VPS53: variants seen among roughly 807,000 people sequenced by gnomAD.
The protein encoded by VPS53 is vacuolar protein sorting-associated protein 53 homolog.
Under a neutral mutation model 107.0 loss-of-function variants are expected in VPS53, and 70 were observed. The ratio of observed to expected loss-of-function variants is 0.65; its 90% CI spans 0.54 to 0.80. The LOEUF (loss-of-function observed/expected upper bound fraction) is 0.80. VPS53 is among the 30% of genes least tolerant of loss of function. VPS53 has a pLI of 0.00. For synonymous variants in VPS53, 409 were observed against 393.3 expected (o/e 1.04, Z -0.47); for missense variants, 917 against 1,049.4 (o/e 0.87, Z 1.74).
intron 5 of VPS53, chr17:657,209 C>T (rs1488922667): frequency 1.1e-5 from 16 of 1,476,346 alleles, no homozygotes; most frequent in Non-Finnish European, 1.5e-5. Flanking sequence ...ATTTTTCTCA[C>T]TTTGCACAAC....
intron 5 of VPS53, chr17:657,592 C>CA: frequency 1.3e-6 from 1 of 793,152 alleles, no homozygotes. Flanking sequence ...TTCCGGTGCA[C>CA]ATAGCGAAAG....
At chr17:629,546 A>C (rs1969852601) in intron 8 of VPS53, among the ~76,000 whole-genome samples, 1 of 151,844 alleles carries the variant, frequency 6.6e-6, no homozygotes, top group African/African-American at 2.4e-5. Flanking sequence ...TCATGAGGTC[A>C]GGAGATCGAG....
At position 623,657 on chromosome 17, in the gene VPS53, A is replaced by T; in HGVS notation, c.992T>A (p.Ile331Asn). The T allele has an allele frequency of 6.2e-7, 1 of 1,612,690 alleles. No individual in the cohort carries two copies. The highest frequency in any genetic ancestry group is 8.5e-7 in the Non-Finnish European group (1 of 1,178,876). The change falls in exon 11 of 22, where the codon ATT becomes AAT. Residue 331 changes from isoleucine to asparagine, a missense_variant. Coordinates refer to ENST00000437048, the MANE Select transcript of VPS53 (RefSeq NM_001128159.3). ...CHVTRAELAK[I>N]MRTRAKEIEV... is the part of the protein sequence containing the mutation. ...AATTTCCTTCGCTCTGGTACGCATA[A>T]TCTTGGCAAGTTCTGCCCTTCAAAA...
At chr17:533,817 T>C (rs566354317) in intron 18 of VPS53, among the ~76,000 whole-genome samples, 2 of 151,734 alleles carry the variant, frequency 1.3e-5, no homozygotes, top group African/African-American at 4.8e-5. Flanking sequence ...GATGCTCAAG[T>C]GAATGCACAT....
intron 4 of VPS53, chr17:675,041 G>A (rs1972099671): frequency 6.6e-6 from 1 of 152,146 alleles, no homozygotes; most frequent in East Asian, 1.9e-4. Context: ...CAAGACAAAT[G>A]ACTCAAAATG....
intron 7 of VPS53, among the ~76,000 whole-genome samples, chr17:649,749 C>A (rs1006338454): frequency 2.6e-5 from 4 of 152,212 alleles, no homozygotes; most frequent in Admixed American, 2.0e-4. Context: ...ATGGAACAGG[C>A]ACTGAAGATT....
intron 15 of VPS53, among the ~76,000 whole-genome samples, chr17:558,785 A>T (rs1407768119): frequency 6.6e-6 from 1 of 151,508 alleles, no homozygotes; most frequent in Non-Finnish European, 1.5e-5. Context: ...AGAGTTGGAG[A>T]TCAGCCTGGC....
At chr17:701,494 C>T (rs1475584654) in intron 2 of VPS53, among the ~76,000 whole-genome samples, 2 of 151,962 alleles carry the variant, frequency 1.3e-5, no homozygotes, top group Non-Finnish European at 2.9e-5. Flanking sequence ...TCTCCTGCCT[C>T]AGCCTCCCGA....
chr17:710,637 T>C, intron 1 of VPS53, 24 bp from the exon 2 acceptor site: 2 of 1,525,534 alleles, frequency 1.3e-6, no homozygotes, highest in Non-Finnish European at 1.8e-6. Context: ...GAGGAGTATA[T>C]ATAAAAACAT....
chr17:696,225 A>G (rs939614392), intron 4 of VPS53, among the ~76,000 whole-genome samples: 5 of 152,250 alleles, frequency 3.3e-5, no homozygotes, highest in Admixed American at 3.3e-4. Context: ...ATAAAGTGGA[A>G]AAATGGAAAA....
At chr17:698,147 C>T (rs911105541) in intron 3 of VPS53, among the ~76,000 whole-genome samples, 1 of 152,206 alleles carries the variant, frequency 6.6e-6, no homozygotes, top group East Asian at 1.9e-4. Flanking sequence ...AAAAGCTAGT[C>T]GAAGGACAGA....
chr17:566,729 GT>G (rs199818178), intron 13 of VPS53, among the ~76,000 whole-genome samples: 1 of 149,766 alleles, frequency 6.7e-6, no homozygotes, highest in Non-Finnish European at 1.5e-5. Context: ...TGTTTTTTTT[GT>G]TTTTTTTTGT....
At chr17:576,940 C>T (rs1444348850) in intron 13 of VPS53, among the ~76,000 whole-genome samples, 1 of 150,834 alleles carries the variant, frequency 6.6e-6, no homozygotes, top group Non-Finnish European at 1.5e-5. Flanking sequence ...CCCTCAGAAC[C>T]TCAATGCTTT....
At chr17:570,948 G>C (rs1209434715) in intron 13 of VPS53, among the ~76,000 whole-genome samples, 1 of 152,154 alleles carries the variant, frequency 6.6e-6, no homozygotes, top group Non-Finnish European at 1.5e-5. Flanking sequence ...TAGAAACCTT[G>C]TTTCTAAGAA....
chr17:630,697 A>G (rs1567690764), intron 8 of VPS53, among the ~76,000 whole-genome samples: 1 of 152,194 alleles, frequency 6.6e-6, no homozygotes, highest in Non-Finnish European at 1.5e-5. Context: ...AATAATTAAG[A>G]TATTTCCAGT....
At chr17:599,312 G>C (rs1209943867) in intron 12 of VPS53, among the ~76,000 whole-genome samples, 11 of 152,340 alleles carry the variant, frequency 7.2e-5, no homozygotes, top group South Asian at 2.1e-4. Context: ...AATAGAAAGT[G>C]GGGAAAGGTG....
At chr17:683,215 CAG>C (rs1466344327) in intron 4 of VPS53, among the ~76,000 whole-genome samples, 2 of 151,904 alleles carry the variant, frequency 1.3e-5, no homozygotes, top group African/African-American at 2.4e-5. Flanking sequence ...GAGAACACAA[CAG>C]AAACATTTGA....
chr17:521,007 A>G (rs1234649051), intron 20 of VPS53, among the ~76,000 whole-genome samples: 1 of 152,188 alleles, frequency 6.6e-6, no homozygotes, highest in African/African-American at 2.4e-5. Flanking sequence ...TGAAGAGCCT[A>G]CAGGTCCTGG....
chr17:626,696 C>A (rs139040604), intron 10 of VPS53, among the ~76,000 whole-genome samples: 5 of 152,252 alleles, frequency 3.3e-5, no homozygotes, highest in African/African-American at 1.2e-4. Context: ...TCTGAACTAT[C>A]CAGAGGCTAT....
Sources: gnomAD v4.1 joint callset for allele counts (sites outside exome capture counted in the v4.1 genomes callset) on GRCh38, gnomAD v4.1.1 for gene constraint, MANE v1.5 for transcripts, NCBI Gene and HGNC (gene_info 2026-07-23, HGNC 2026-07-21) for gene names.